ARHGAP17: variants seen among roughly 807,000 people sequenced by gnomAD.
ARHGAP17 encodes the protein rho GTPase-activating protein 17.
A neutral mutation model predicts 99.5 loss-of-function variants in ARHGAP17; 57 were observed. That is an observed-to-expected ratio of 0.57 (90% CI 0.46 to 0.71). ARHGAP17 has a LOEUF of 0.71. ARHGAP17 is among the 30% of genes least tolerant of loss of function. The pLI, the probability that ARHGAP17 is intolerant of heterozygous loss-of-function variation, is 0.00. For synonymous variants in ARHGAP17, 417 were observed against 429.6 expected, an observed-to-expected ratio of 0.97 and a Z score of 0.36; for missense variants, 1,000 against 1,122.4, an observed-to-expected ratio of 0.89 and a Z score of 1.56.
intron 12 of ARHGAP17, 114 bp downstream of exon 12, chr16:24,952,175 T>C (rs2051665354): frequency 1.4e-6 from 1 of 707,522 alleles, no homozygotes; most frequent in Non-Finnish European, 2.3e-6. Flanking sequence ...ATGTATTATT[T>C]AACAAATACG....
chr16:24,934,897 G>A (rs2051093183), intron 18 of ARHGAP17, among the ~76,000 whole-genome samples: 1 of 152,174 alleles, frequency 6.6e-6, no homozygotes, highest in African/African-American at 2.4e-5. Context: ...TTGAGAGGAG[G>A]GAGTGTAAGC....
chr16:24,946,694 T>C (rs1015861619), intron 14 of ARHGAP17, among the ~76,000 whole-genome samples: 2 of 152,080 alleles, frequency 1.3e-5, no homozygotes, highest in Non-Finnish European at 2.9e-5. Context: ...GAAAGAAACA[T>C]TCCTAACACC....
chr16:25,015,334 C>A lies in ARHGAP17; in HGVS notation c.-73G>T. ...GGGGACAGCCTGGCAGCTACTACAT[C>A]GCTTCCCGGCCCAAACGGCGGCGCG... On this transcript the variant is annotated 5_prime_UTR_variant, in exon 1 of 20. Transcript: ENST00000289968. 8.3e-7 allele frequency: 1 copy of A among 1,208,620 alleles called. No individual in the cohort carries two copies. The highest frequency in any genetic ancestry group is 1.0e-6 in the Non-Finnish European group (1 of 964,730). The allele number at this position is 1,208,620 out of a possible 1,614,324, so 74.9% of individuals were successfully genotyped here. A position where few individuals can be genotyped will look rare whatever the true frequency, so the allele number is the denominator to read the frequency against.
Position 25,015,249 on chromosome 16 carries a change from A to G in ARHGAP17, c.13T>C (p.Phe5Leu). 1 of 1,356,614 alleles carries G rather than the reference A, an allele frequency of 7.4e-7. No homozygotes were observed. The highest frequency in any genetic ancestry group is 2.4e-4 in the Middle Eastern group (1 of 4,124). The allele number at this position is 1,356,614 out of a possible 1,614,324, so 84.0% of individuals were successfully genotyped here. A position where few individuals can be genotyped will look rare whatever the true frequency, so the allele number is the denominator to read the frequency against. The change falls in exon 1 of 20, where the codon TTC becomes CTC. Residue 5 changes from phenylalanine (F) to leucine (L), a missense_variant. This residue lies in a region of ARHGAP17 where 472 missense variants were observed against 611.1 expected (regional missense o/e 0.77). Transcript: ENST00000289968. ...TTAGCCAGCTGCTTCATGCGGTTGA[A>G]CTGCTTCTTCATGGCGGCGGTGGCG... The part of the protein sequence containing the change: MKKQ[F>L]NRMKQLANQT...
chr16:24,937,635 C>G (rs1296234296), intron 17 of ARHGAP17, among the ~76,000 whole-genome samples: 2 of 152,010 alleles, frequency 1.3e-5, no homozygotes, highest in Non-Finnish European at 2.9e-5. Context: ...TTTTTTAACC[C>G]CAAAGTAAAC....
chr16:24,936,988 G>A (rs1368498300), intron 17 of ARHGAP17, among the ~76,000 whole-genome samples: 3 of 151,796 alleles, frequency 2.0e-5, no homozygotes, highest in Admixed American at 1.3e-4. Context: ...GCATGGGGAT[G>A]CACTACTATA....
chr16:24,999,300 T>C (rs2053291861), intron 1 of ARHGAP17, among the ~76,000 whole-genome samples: 1 of 152,240 alleles, frequency 6.6e-6, no homozygotes, highest in Non-Finnish European at 1.5e-5. Context: ...TCTGTAGTGG[T>C]TGCTCTCAGT....
At position 24,930,885 on chromosome 16, in the gene ARHGAP17, T is replaced by C. The variant is rs1021543879; in HGVS notation, c.2414A>G (p.Asn805Ser). ...GGGGGGTGGGGGCACGCTGGGCCGG[T>C]TCCTTGGCTTTGGTACTGGTCTCGG... ...PRPRPVPKPR[N>S]RPSVPPPPQP... Residue 805 changes from asparagine to serine, a missense_variant, in exon 19 of 20, where the codon AAC becomes AGC. Physicochemically the swap from Asn to Ser is conservative, Grantham distance 46 (BLOSUM62 1). This residue lies in a region of ARHGAP17 where 528 missense variants were observed against 511.4 expected (regional missense o/e 1.03). Transcript: ENST00000289968. 1 of 1,613,894 alleles carries C rather than the reference T, an allele frequency of 6.2e-7. No individual in the cohort carries two copies. Among genetic ancestry groups the C allele is most frequent in the East Asian group, 2.2e-5 (1 of 44,864 alleles).
intron 14 of ARHGAP17, among the ~76,000 whole-genome samples, chr16:24,944,919 G>A (rs1597385620): frequency 6.6e-6 from 1 of 152,034 alleles, no homozygotes; most frequent in Middle Eastern, 3.4e-3. Context: ...CCTGGCAAAT[G>A]TGCCTTTTAT....
intron 15 of ARHGAP17, 103 bp from the exon 16 acceptor site, chr16:24,942,246 C>CA: frequency 8.5e-7 from 1 of 1,181,136 alleles, no homozygotes; most frequent in Non-Finnish European, 1.2e-6. Flanking sequence ...CTTCAGTCCA[C>CA]AGCCCTCACT....
intron 18 of ARHGAP17, among the ~76,000 whole-genome samples, chr16:24,934,268 C>T (rs1245140923): frequency 6.6e-6 from 1 of 152,124 alleles, no homozygotes; most frequent in African/African-American, 2.4e-5. Context: ...TCAAGCAATT[C>T]TCCTGCCTCA....
chr16:24,941,170 A>G (rs1467426144), intron 16 of ARHGAP17, among the ~76,000 whole-genome samples: 2 of 152,232 alleles, frequency 1.3e-5, no homozygotes, highest in Non-Finnish European at 2.9e-5. Flanking sequence ...AGAAACAAAC[A>G]GCACACCTCA....
At chr16:24,949,526 C>T (rs2038590975) in intron 12 of ARHGAP17, 42 bp from the exon 13 acceptor site, 1 of 1,527,850 alleles carries the variant, frequency 6.5e-7, no homozygotes, top group Admixed American at 1.8e-5. Flanking sequence ...TATTAAGACA[C>T]CAATTATCTT....
chr16:24,954,266 C>T (rs959572892), intron 10 of ARHGAP17, among the ~76,000 whole-genome samples: 4 of 152,140 alleles, frequency 2.6e-5, no homozygotes, highest in Admixed American at 6.5e-5. Context: ...CCCATTAGTG[C>T]GTCACGAAAT....
At chr16:25,007,901 T>C (rs1412393829) in intron 1 of ARHGAP17, among the ~76,000 whole-genome samples, 1 of 152,180 alleles carries the variant, frequency 6.6e-6, no homozygotes, top group African/African-American at 2.4e-5. Context: ...AACAAGTGGC[T>C]AGAACTGAAG....
chr16:25,014,790 C>G (rs922794749), intron 1 of ARHGAP17, among the ~76,000 whole-genome samples: 2 of 152,222 alleles, frequency 1.3e-5, no homozygotes, highest in African/African-American at 2.4e-5. Context: ...CTGCCGCCCC[C>G]CACAGCACAG....
At chr16:24,926,726 C>A (rs1294973621) in intron 19 of ARHGAP17, among the ~76,000 whole-genome samples, 1 of 152,216 alleles carries the variant, frequency 6.6e-6, no homozygotes, top group Non-Finnish European at 1.5e-5. Context: ...CAGACAGTCT[C>A]AGGCTCACTA....
chr16:24,933,637 T>G (rs928050729), intron 18 of ARHGAP17, among the ~76,000 whole-genome samples: 1 of 152,040 alleles, frequency 6.6e-6, no homozygotes, highest in Non-Finnish European at 1.5e-5. Context: ...AAAAGTCTAG[T>G]TTTCTGTTCT....
At chr16:24,969,362 GT>G (rs1301044334) in intron 4 of ARHGAP17, among the ~76,000 whole-genome samples, 1 of 152,010 alleles carries the variant, frequency 6.6e-6, no homozygotes, top group Non-Finnish European at 1.5e-5. Context: ...TCTCTATGGG[GT>G]TTTTTTGACA....
Sources: allele counts gnomAD v4.1 joint callset (sites outside exome capture counted in the v4.1 genomes callset), GRCh38; gene constraint gnomAD v4.1.1; regional missense constraint gnomAD v4.1.1; transcripts MANE v1.5; gene names NCBI Gene and HGNC (gene_info 2026-07-23, HGNC 2026-07-21).